STXBP6: variants seen among roughly 807,000 people sequenced by gnomAD.
STXBP6 encodes syntaxin-binding protein 6.
In STXBP6, 21 loss-of-function variants were observed where a neutral mutation model predicts 26.9. That is an observed-to-expected ratio of 0.78 (90% CI 0.55 to 1.12). STXBP6 has a LOEUF of 1.12. Among genes scored for constraint, STXBP6 ranks in the 50% most tolerant of loss-of-function variants. STXBP6 has a pLI of 0.00. For missense variants in STXBP6, 232 were observed against 257.9 expected, an observed-to-expected ratio of 0.90 and a Z score of 0.69; for synonymous variants, 97 against 92.6, an observed-to-expected ratio of 1.05 and a Z score of -0.27.
At chr14:24,947,096 C>T (rs17109347) in intron 2 of STXBP6, among the ~76,000 whole-genome samples, 3,479 of 152,100 alleles carry the variant, frequency 0.023, 131 homozygotes, top group African/African-American at 0.078. Flanking sequence ...GAAAGTGGCC[C>T]GTATATCGGT....
intron 1 of STXBP6, among the ~76,000 whole-genome samples, chr14:25,021,974 G>A (rs74401150): frequency 0.015 from 2,215 of 152,270 alleles, 48 homozygotes; most frequent in African/African-American, 0.049. Context: ...GAGTGGTATA[G>A]GCCTATAATA....
At chr14:24,904,751 C>T (rs1438395802) in intron 2 of STXBP6, among the ~76,000 whole-genome samples, 3 of 152,102 alleles carry the variant, frequency 2.0e-5, no homozygotes, top group African/African-American at 7.2e-5. Flanking sequence ...AGAAATCATC[C>T]CCACCAGCAC....
chr14:25,049,408 T>C lies in STXBP6; in HGVS notation c.-33+470A>G. The C allele has an allele frequency of 2.0e-6, 2 of 985,404 alleles. No homozygotes were observed. The highest frequency in any genetic ancestry group is 2.4e-6 in the Non-Finnish European group (2 of 829,942). 61.0% of individuals were successfully genotyped at this position (985,404 alleles called of 1,614,324 possible). On this transcript the variant is annotated intron_variant, in intron 1 of 5. Transcript: ENST00000323944. This position sits in a 1 kb window ranked among gnomAD's most constrained non-coding sequence, Gnocchi z 5.6. ...TGGCAGTAATGATTTTCCTAGAAGA[T>C]GCCAGAGTTCGCGAAGATCGGAGTG...
At chr14:24,977,669 T>C (rs2074085008) in intron 1 of STXBP6, among the ~76,000 whole-genome samples, 1 of 152,224 alleles carries the variant, frequency 6.6e-6, no homozygotes, top group Admixed American at 6.5e-5. Context: ...GCCTGAATAA[T>C]TAAAAAATGC....
In STXBP6 at chr14:24,841,578, T is replaced by C. The variant is rs183562544; in HGVS notation, c.451+14358A>G. Reference sequence around the variant, plus strand: ...GTAGAGCATCTTGTTCTATCTTCCATGTACAACTCATCCTTTATATTCTTC... The same window carrying C: ...GTAGAGCATCTTGTTCTATCTTCCACGTACAACTCATCCTTTATATTCTTC... On this transcript the variant is annotated intron_variant, in intron 4 of 5. Coordinates refer to ENST00000323944, the MANE Select transcript of STXBP6 (RefSeq NM_001394410.1). Among the ~76,000 whole-genome samples the C allele has an allele frequency of 3.3e-4, 51 of 152,340 alleles. No homozygotes were observed. In the East Asian group the frequency reaches 8.3e-3, roughly 25 times the overall value.
chr14:24,857,024 C>G lies in STXBP6; in HGVS notation c.285+3G>C. 6.2e-7 allele frequency: 1 copy of G among 1,612,338 alleles called. No homozygotes were observed. The highest frequency in any genetic ancestry group is 8.5e-7 in the Non-Finnish European group (1 of 1,178,800). On this transcript the variant is annotated splice_donor_region_variant and intron_variant, in intron 3 of 5. Transcript: ENST00000323944. ...TTTGCTCAGCATTGGACAATTCACT[C>G]ACCCCATTAGGATCGATACCATTAA...
chr14:25,009,201 A>G (rs1212856644), intron 1 of STXBP6, among the ~76,000 whole-genome samples: 1 of 152,224 alleles, frequency 6.6e-6, no homozygotes, highest in Non-Finnish European at 1.5e-5. Context: ...GACGTCTTAA[A>G]GCAATTAAAA....
chr14:24,979,164 C>G (rs2074122533), intron 1 of STXBP6, among the ~76,000 whole-genome samples: 1 of 152,244 alleles, frequency 6.6e-6, no homozygotes. Context: ...GTTGATCTAA[C>G]TTCATTAACT....
At chr14:24,895,028 T>G (rs914600710) in intron 2 of STXBP6, among the ~76,000 whole-genome samples, 2 of 152,218 alleles carry the variant, frequency 1.3e-5, no homozygotes, top group Non-Finnish European at 2.9e-5. Flanking sequence ...AAAATGAGAT[T>G]TTTTTCTAAG....
intron 2 of STXBP6, among the ~76,000 whole-genome samples, chr14:24,889,447 G>A (rs191352495): frequency 0.016 from 2,321 of 148,036 alleles, 23 homozygotes; most frequent in Non-Finnish European, 0.024. Flanking sequence ...GATAGCATTA[G>A]GAGATATACC....
At chr14:24,819,469 T>A in intron 4 of STXBP6, 1 of 582,352 alleles carries the variant, frequency 1.7e-6, no homozygotes, top group East Asian at 2.8e-5. Context: ...CTGCCAGTAT[T>A]CTATCTGTGG....
chr14:25,017,019 A>G (rs1479068623), intron 1 of STXBP6, among the ~76,000 whole-genome samples: 1 of 152,178 alleles, frequency 6.6e-6, no homozygotes, highest in East Asian at 1.9e-4. Context: ...AAATTACTAC[A>G]AATAGTCCAG....
chr14:24,811,795 C>G lies in STXBP6; in HGVS notation c.*914G>C, dbSNP rs2067831497. 1 of 152,134 alleles carries G rather than the reference C, an allele frequency of 6.6e-6. No homozygotes were observed. The highest frequency in any genetic ancestry group is 6.5e-5 in the Admixed American group (1 of 15,272). The allele number at this position is 152,134 out of a possible 1,614,324, so 9.4% of individuals were successfully genotyped here. A position where few individuals can be genotyped will look rare whatever the true frequency, so the allele number is the denominator to read the frequency against. On this transcript the variant is annotated 3_prime_UTR_variant, in exon 6 of 6. Coordinates refer to ENST00000323944, the MANE Select transcript of STXBP6 (RefSeq NM_001394410.1). ...TAGGCATGACTGTAAAAAGACAAGA[C>G]AAACATTTTAAATGTACTACTTGTT...
At chr14:24,956,188 A>T (rs561579961) in intron 2 of STXBP6, among the ~76,000 whole-genome samples, 3 of 152,278 alleles carry the variant, frequency 2.0e-5, no homozygotes, top group Admixed American at 6.5e-5. Flanking sequence ...GGGAGAAAAA[A>T]AAAATCACTG....
At chr14:24,824,913 C>T (rs146775154) in intron 4 of STXBP6, among the ~76,000 whole-genome samples, 63 of 152,278 alleles carry the variant, frequency 4.1e-4, no homozygotes, top group Non-Finnish European at 7.2e-4. Context: ...AAGTAGCTTA[C>T]GCAGGATTAG....
chr14:25,017,373 T>A (rs1013977853), intron 1 of STXBP6, among the ~76,000 whole-genome samples: 1 of 152,188 alleles, frequency 6.6e-6, no homozygotes, highest in African/African-American at 2.4e-5. Context: ...CTAGATTTCC[T>A]ATGGAAACTG....
rs150524819 is a variant in STXBP6, at chr14:25,012,569, C to A, written c.-33+37309G>T. Among the ~76,000 whole-genome samples the A allele has an allele frequency of 4.0e-3, 616 of 152,182 alleles. 11 individuals carry two copies. In the East Asian group the frequency reaches 0.042, roughly 10 times the overall value. ...GAGCTGAGATTGCACCACTGCACTG[C>A]AGCCTGGGCAACAAAGCAAGGCTCT... On this transcript the variant is annotated intron_variant, in intron 1 of 5. Coordinates refer to ENST00000323944, the MANE Select transcript of STXBP6 (RefSeq NM_001394410.1).
chr14:24,986,316 G>T (rs1307637141), intron 1 of STXBP6, among the ~76,000 whole-genome samples: 1 of 152,162 alleles, frequency 6.6e-6, no homozygotes, highest in African/African-American at 2.4e-5. Flanking sequence ...AACAGCCCAG[G>T]ATAGTCCAAG....
At chr14:24,981,071 A>G (rs919211846) in intron 1 of STXBP6, among the ~76,000 whole-genome samples, 1 of 152,336 alleles carries the variant, frequency 6.6e-6, no homozygotes, top group African/African-American at 2.4e-5. Flanking sequence ...TACTTATAAA[A>G]CAAATAAAAA....
Sources: gnomAD v4.1 joint callset for allele counts (sites outside exome capture counted in the v4.1 genomes callset) on GRCh38, gnomAD v4.1.1 for gene constraint, Gnocchi (gnomAD v3.1) non-coding constraint, MANE v1.5 for transcripts, NCBI Gene and HGNC (gene_info 2026-07-23, HGNC 2026-07-21) for gene names.